TBL1X: variants seen among roughly 807,000 people sequenced by gnomAD.
The protein encoded by TBL1X is F-box-like/WD repeat-containing protein TBL1X.
TBL1X carries 10 observed loss-of-function variants against 50.7 expected under a neutral mutation model. That is an observed-to-expected ratio of 0.20 (90% CI 0.12 to 0.33). The LOEUF (loss-of-function observed/expected upper bound fraction) is 0.33. Ranked by LOEUF, TBL1X falls within the 10% of genes least tolerant of loss-of-function variation. TBL1X has a pLI of 1.00. For synonymous variants in TBL1X, 190 were observed against 214.7 expected (o/e 0.88, Z 1.01); for missense variants, 340 against 504.4 (o/e 0.67, Z 3.12).
chrX:9,595,565 G>A (rs2082522940), intron 2 of TBL1X, among the ~76,000 whole-genome samples: 2 of 111,789 alleles, frequency 1.8e-5, no homozygotes, highest in South Asian at 7.6e-4. Flanking sequence ...AGCTGGTCAG[G>A]GCCCTTCTTG....
intron 2 of TBL1X, among the ~76,000 whole-genome samples, chrX:9,616,784 C>T (rs1450513489): frequency 4.5e-5 from 5 of 111,697 alleles, no homozygotes; most frequent in Non-Finnish European, 9.4e-5. Context: ...TGTGTTTCCT[C>T]AGTGTATGGG....
intron 3 of TBL1X, among the ~76,000 whole-genome samples, chrX:9,651,170 G>A (rs904814693): frequency 5.5e-5 from 6 of 109,403 alleles, no homozygotes; most frequent in African/African-American, 2.0e-4. Flanking sequence ...TGGGACTACA[G>A]GCGTGCACCA....
intron 2 of TBL1X, among the ~76,000 whole-genome samples, chrX:9,533,969 C>G (rs1043986604): frequency 9.0e-6 from 1 of 111,492 alleles, no homozygotes; most frequent in African/African-American, 3.3e-5. Context: ...ACCGGCTTGC[C>G]GTGCCCAGTG....
chrX:9,528,690 G>A (rs1464111214), intron 2 of TBL1X, among the ~76,000 whole-genome samples: 4 of 104,291 alleles, frequency 3.8e-5, no homozygotes, highest in Non-Finnish European at 7.9e-5. Context: ...AGGAGCTTGC[G>A]GGGGGAGGGG....
At chrX:9,543,614 G>T (rs1374159212) in intron 2 of TBL1X, among the ~76,000 whole-genome samples, 1 of 111,285 alleles carries the variant, frequency 9.0e-6, no homozygotes, top group African/African-American at 3.3e-5. Flanking sequence ...CCTGCCCCTT[G>T]ATGGCTCTCC....
At chrX:9,566,977 C>T (rs1303426836) in intron 2 of TBL1X, among the ~76,000 whole-genome samples, 2 of 111,636 alleles carry the variant, frequency 1.8e-5, no homozygotes, top group Non-Finnish European at 3.8e-5. Context: ...ACAATGGGGC[C>T]TGGAACTCTG....
chrX:9,663,988 G>A (rs763079728), intron 5 of TBL1X, among the ~76,000 whole-genome samples: 12 of 111,111 alleles, frequency 1.1e-4, no homozygotes, highest in Non-Finnish European at 1.5e-4. Context: ...AGATCTACAC[G>A]TAGGATCAAA....
At chrX:9,484,093 C>A (rs1323961851) in intron 1 of TBL1X, among the ~76,000 whole-genome samples, 1 of 111,916 alleles carries the variant, frequency 8.9e-6, no homozygotes, top group African/African-American at 3.3e-5. Context: ...TGGTCTCAAT[C>A]TCCTGGGCTC....
intron 2 of TBL1X, among the ~76,000 whole-genome samples, chrX:9,574,990 TG>T (rs1161811371): frequency 1.8e-5 from 2 of 111,823 alleles, no homozygotes; most frequent in Non-Finnish European, 3.8e-5. Context: ...TGTATTAGTC[TG>T]TTTTCACGCT....
At chrX:9,658,341 C>T (rs2082876506) in intron 5 of TBL1X, among the ~76,000 whole-genome samples, 1 of 110,957 alleles carries the variant, frequency 9.0e-6, no homozygotes, top group Non-Finnish European at 1.9e-5. Context: ...CACATGGTGG[C>T]CATGTGCCTT....
intron 2 of TBL1X, among the ~76,000 whole-genome samples, chrX:9,553,804 TCA>T (rs1486455139): frequency 8.9e-6 from 1 of 112,346 alleles, no homozygotes; most frequent in Non-Finnish European, 1.9e-5. Flanking sequence ...TAATAATGGT[TCA>T]GTCCAAAATA....
chrX:9,582,631 T>C lies in TBL1X; in HGVS notation c.-130-57642T>C, dbSNP rs767751665. ...GTTGCTCGCATAAGCCACTATGCAG[T>C]GGCAGCTTTAATGAATGGGGTTCCA... On this transcript the variant is annotated intron_variant, in intron 2 of 17. Coordinates refer to ENST00000645353, the MANE Select transcript of TBL1X (RefSeq NM_005647.4). Among the ~76,000 whole-genome samples the C allele has an allele frequency of 3.6e-5, 4 of 112,548 alleles. No individual in the cohort carries two copies. In the South Asian group the frequency reaches 1.5e-3, roughly 42 times the overall value.
chrX:9,647,664 G>A (rs1283162788), intron 3 of TBL1X, among the ~76,000 whole-genome samples: 1 of 112,097 alleles, frequency 8.9e-6, no homozygotes, highest in Non-Finnish European at 1.9e-5. Context: ...TCGGGAAACC[G>A]GTTAGGTGTT....
chrX:9,639,159 G>GT (rs1225068161), intron 2 of TBL1X, among the ~76,000 whole-genome samples: 125 of 109,207 alleles, frequency 1.1e-3, no homozygotes, highest in African/African-American at 3.8e-3. Flanking sequence ...CTGCTTGTAG[G>GT]TTTTTTTTTA....
rs181463548 is a variant in TBL1X at position 9,545,030 on chromosome X, G to A, written c.-131+43181G>A. ...TTTTTTTTTTTTTTTTTTTTGAAATGGAGTCTCACTCTCTTGCCCAGGCTG... is the reference window on the plus strand; with the variant it reads ...TTTTTTTTTTTTTTTTTTTTGAAATAGAGTCTCACTCTCTTGCCCAGGCTG... On this transcript the variant is annotated intron_variant, in intron 2 of 17. Transcript: ENST00000645353. Among the ~76,000 whole-genome samples the A allele has an allele frequency of 7.3e-3, 491 of 67,275 alleles. 7 individuals carry two copies. Among genetic ancestry groups the A allele is most frequent in the African/African-American group, 0.029 (470 of 15,943 alleles). The allele number at this position is 67,275 out of a possible 115,157, so 58.4% of individuals were successfully genotyped here.
chrX:9,516,133 T>C (rs1355734398), intron 2 of TBL1X, among the ~76,000 whole-genome samples: 1 of 111,277 alleles, frequency 9.0e-6, no homozygotes, highest in Non-Finnish European at 1.9e-5. Flanking sequence ...ATTGTGGAGA[T>C]AGCAGTTTCA....
intron 5 of TBL1X, among the ~76,000 whole-genome samples, chrX:9,678,084 C>T (rs746954958): frequency 1.8e-5 from 2 of 112,186 alleles, no homozygotes; most frequent in Non-Finnish European, 3.8e-5. Flanking sequence ...CACTTTGTCT[C>T]CCAGGCTGAA....
intron 15 of TBL1X, 39 bp from the exon 16 acceptor site, chrX:9,711,572 C>T (rs370695115): frequency 1.2e-5 from 13 of 1,123,308 alleles, no homozygotes; most frequent in East Asian, 6.4e-5. Flanking sequence ...TTGAAACCAC[C>T]GTGTGTATGT....
At chrX:9,642,193 G>A (rs1461222437) in intron 3 of TBL1X, among the ~76,000 whole-genome samples, 2 of 111,456 alleles carry the variant, frequency 1.8e-5, no homozygotes, top group Non-Finnish European at 3.8e-5. Context: ...AGCACACATT[G>A]GATTTCTCCT....
Sources: gnomAD v4.1 joint callset for allele counts (sites outside exome capture counted in the v4.1 genomes callset) on GRCh38, gnomAD v4.1.1 for gene constraint, MANE v1.5 for transcripts, NCBI Gene and HGNC (gene_info 2026-07-23, HGNC 2026-07-21) for gene names.